MACC1: variants seen among roughly 807,000 people sequenced by gnomAD.
MACC1 encodes the protein MET transcriptional regulator MACC1.
A neutral mutation model predicts 70.7 loss-of-function variants in MACC1; 79 were observed. The ratio of observed to expected loss-of-function variants is 1.12; its 90% CI spans 0.93 to 1.35. The LOEUF is 1.35. Among genes scored for constraint, MACC1 ranks in the 40% most tolerant of loss-of-function variants. MACC1 has a pLI of 0.00. For synonymous variants in MACC1, 361 were observed against 347.2 expected (o/e 1.04, Z -0.44); for missense variants, 1,106 against 978.1 (o/e 1.13, Z -1.74).
At chr7:20,170,440 A>G (rs1782287064) in intron 2 of MACC1, 1 of 152,242 alleles carries the variant, frequency 6.6e-6, no homozygotes, top group East Asian at 1.9e-4. Flanking sequence ...AGATATGTAA[A>G]GAATATTGGA....
chr7:20,176,915 G>A (rs1167700490), intron 1 of MACC1, among the ~76,000 whole-genome samples: 1 of 152,170 alleles, frequency 6.6e-6, no homozygotes, highest in Non-Finnish European at 1.5e-5. Context: ...TAGGGATGGT[G>A]AAGGGAAGAG....
chr7:20,150,245 C>T (rs901745265), intron 6 of MACC1, among the ~76,000 whole-genome samples: 1 of 152,134 alleles, frequency 6.6e-6, no homozygotes, highest in African/African-American at 2.4e-5. Flanking sequence ...TTTTTTACGG[C>T]TCCTAAACCA....
chr7:20,209,682 G>A (rs563707724), intron 1 of MACC1, among the ~76,000 whole-genome samples: 1 of 152,144 alleles, frequency 6.6e-6, no homozygotes, highest in Non-Finnish European at 1.5e-5. Flanking sequence ...TAAGGCTTTG[G>A]GGGGGACTAT....
rs754530577 is a variant in MACC1, at chr7:20,161,820, C to T, written c.43G>A (p.Ala15Thr). ...AAATTTGCTTCAGACATACTTTGTG[C>T]AATTCTTCCTGACCGAAAATGTTTT... is the stretch of plus-strand genomic sequence containing the variant. ...ERKHFRSGRI[A>T]QSMSEANLID... is the part of the protein sequence containing the mutation. Residue 15 changes from alanine (A) to threonine (T), a missense_variant, in exon 4 of 7, where the codon GCA (alanine) becomes ACA (threonine). Ala to Thr is a moderately conservative substitution (Grantham distance 58). Transcript: ENST00000400331. 6.2e-7 allele frequency: 1 copy of T among 1,612,464 alleles called. No homozygotes were observed. Among genetic ancestry groups the T allele is most frequent in the African/African-American group, 1.3e-5 (1 of 74,970 alleles).
chr7:20,181,618 G>A (rs113913074), intron 1 of MACC1, among the ~76,000 whole-genome samples: 1,939 of 152,130 alleles, frequency 0.013, 35 homozygotes, highest in African/African-American at 0.044. Flanking sequence ...CCTAGAAATA[G>A]ATGAAAATTT....
intron 1 of MACC1, among the ~76,000 whole-genome samples, chr7:20,190,031 C>A (rs1380941124): frequency 6.6e-6 from 1 of 152,098 alleles, no homozygotes; most frequent in African/African-American, 2.4e-5. Context: ...GGGCACTAAT[C>A]CTATTCATGA....
rs181192462 is a variant in MACC1 at position 20,192,988 on chromosome 7, C to T, written c.-217-22210G>A. Among the ~76,000 whole-genome samples, 39 of 152,230 alleles carry T rather than the reference C, an allele frequency of 2.6e-4. 1 individual carries two copies. The East Asian group carries it at 6.7e-3, about 26-fold the overall frequency. On this transcript the variant is annotated intron_variant, in intron 1 of 6. Coordinates refer to ENST00000400331, the MANE Select transcript of MACC1 (RefSeq NM_182762.4). ...CCCTTCAAGGTGGAAAGTTCCCTAG[C>T]GATTTATGTTTATAATTTCATATTA...
intron 1 of MACC1, among the ~76,000 whole-genome samples, chr7:20,211,576 T>C (rs575995451): frequency 2.0e-5 from 3 of 152,294 alleles, no homozygotes; most frequent in Non-Finnish European, 2.9e-5. Context: ...GCTTCTGGCT[T>C]TCAGTGACAT....
intron 1 of MACC1, among the ~76,000 whole-genome samples, chr7:20,179,273 C>T (rs959346403): frequency 6.6e-6 from 1 of 151,904 alleles, no homozygotes; most frequent in Non-Finnish European, 1.5e-5. Context: ...TAAAATCTGA[C>T]TGTTTTCAGA....
In MACC1 at chr7:20,141,162, T is replaced by C. The variant is rs750759143; in HGVS notation, c.2347-4A>G. 6 of 1,563,450 alleles carry C rather than the reference T, an allele frequency of 3.8e-6. No individual in the cohort carries two copies. Among genetic ancestry groups the C allele is most frequent in the South Asian group, 2.4e-5 (2 of 83,750 alleles). The stretch of plus-strand genomic sequence containing the variant: ...CATAGGCAGGTTTCCACATCATCTA[T>C]AAAGAAAAAAAATAGATTGGAGTAG... On this transcript the variant is annotated splice_region_variant and splice_polypyrimidine_tract_variant and intron_variant, in intron 6 of 6. Coordinates refer to ENST00000400331, the MANE Select transcript of MACC1 (RefSeq NM_182762.4).
At chr7:20,149,098 T>C (rs1453473940) in intron 6 of MACC1, among the ~76,000 whole-genome samples, 4 of 152,174 alleles carry the variant, frequency 2.6e-5, no homozygotes, top group African/African-American at 9.7e-5. Flanking sequence ...TTGCGAGAGA[T>C]AATTTCCAAG....
chr7:20,157,228 C>G (rs564598211), intron 5 of MACC1, among the ~76,000 whole-genome samples: 49 of 152,046 alleles, frequency 3.2e-4, no homozygotes, highest in Admixed American at 8.5e-4. Context: ...TTTTTACACT[C>G]ATGTTTTAAC....
intron 6 of MACC1, among the ~76,000 whole-genome samples, chr7:20,141,589 T>C (rs1211708217): frequency 6.6e-6 from 1 of 152,154 alleles, no homozygotes; most frequent in Non-Finnish European, 1.5e-5. Flanking sequence ...AGAGAAATAG[T>C]ATATTTAACA....
intron 1 of MACC1, among the ~76,000 whole-genome samples, chr7:20,206,337 C>A (rs1782910453): frequency 6.6e-6 from 1 of 152,058 alleles, no homozygotes; most frequent in South Asian, 2.1e-4. Flanking sequence ...GGCAAGACTT[C>A]CAGTGACGTT....
intron 1 of MACC1, among the ~76,000 whole-genome samples, chr7:20,196,989 T>C (rs1477248664): frequency 6.6e-6 from 1 of 152,152 alleles, no homozygotes; most frequent in East Asian, 1.9e-4. Flanking sequence ...TTTTGTAAGT[T>C]TGAAAAATGA....
At chr7:20,181,455 T>C (rs557692949) in intron 1 of MACC1, among the ~76,000 whole-genome samples, 5 of 152,126 alleles carry the variant, frequency 3.3e-5, no homozygotes, top group African/African-American at 1.2e-4. Flanking sequence ...CGAAGTTAGG[T>C]TTGCCAGGAA....
Position 20,196,579 on chromosome 7 carries a change from C to A in MACC1, c.-218+20720G>T, listed in dbSNP as rs552928637. Among the ~76,000 whole-genome samples the A allele has an allele frequency of 8.6e-5, 13 of 151,984 alleles. No homozygotes were observed. In the East Asian group the frequency reaches 2.5e-3, roughly 29 times the overall value. ...ATTTATAACAATGGGCCGGGTGCGG[C>A]CGGCCCATTTTATATATATATATAA... On this transcript the variant is annotated intron_variant, in intron 1 of 6. Coordinates refer to ENST00000400331, the MANE Select transcript of MACC1 (RefSeq NM_182762.4).
At position 20,158,584 on chromosome 7, in the gene MACC1, T is replaced by C; in HGVS notation, c.1777A>G (p.Lys593Glu). The C allele has an allele frequency of 5.0e-6, 8 of 1,614,052 alleles. No individual in the cohort carries two copies. Among genetic ancestry groups the C allele is most frequent in the Non-Finnish European group, 5.9e-6 (7 of 1,179,972 alleles). The change falls in exon 5 of 7, where the codon AAA (lysine) becomes GAA (glutamate). Residue 593 changes from lysine to glutamate, a missense_variant. By Grantham distance (56) the Lys-to-Glu change is moderately conservative. Coordinates refer to ENST00000400331, the MANE Select transcript of MACC1 (RefSeq NM_182762.4). ...EGKVKAIGQS[K>E]VKEWYVGVLR... The stretch of plus-strand genomic sequence containing the variant: ...ACTCCTACATACCATTCTTTCACTT[T>C]GGACTGACCAATAGCTTTTACCTTA...
chr7:20,165,203 T>A (rs1236659532), intron 2 of MACC1, among the ~76,000 whole-genome samples: 2 of 152,198 alleles, frequency 1.3e-5, no homozygotes, highest in Admixed American at 6.5e-5. Context: ...CCAGGATCAC[T>A]TGGAAGGCTT....
Sources: gnomAD v4.1 joint callset for allele counts (sites outside exome capture counted in the v4.1 genomes callset) on GRCh38, gnomAD v4.1.1 for gene constraint, MANE v1.5 for transcripts, NCBI Gene and HGNC (gene_info 2026-07-23, HGNC 2026-07-21) for gene names.